The following VSIG10 variants were observed in gnomAD, a reference collection of about 807,000 sequenced individuals.
VSIG10 encodes V-set and immunoglobulin domain-containing protein 10.
In VSIG10, 48 loss-of-function variants were observed where a neutral mutation model predicts 58.7. The observed-to-expected ratio is 0.82, with a 90% CI of 0.65 to 1.04. The LOEUF (loss-of-function observed/expected upper bound fraction) is 1.04, where lower values mean the gene tolerates loss of function less well. Among genes scored for constraint, VSIG10 ranks in the 50% least tolerant of loss-of-function variants. The pLI is 0.00. For synonymous variants in VSIG10, 260 were observed against 267.1 expected (o/e 0.97, Z 0.26); for missense variants, 628 against 670.0 (o/e 0.94, Z 0.69).
chr12:118,071,967 C>T (rs994616658), intron 5 of VSIG10, among the ~76,000 whole-genome samples: 1 of 150,356 alleles, frequency 6.7e-6, no homozygotes, highest in Non-Finnish European at 1.5e-5. Flanking sequence ...GTCGGGAGAT[C>T]GAGACCAGCC....
At chr12:118,103,536 C>A in intron 1 of VSIG10, 57 bp downstream of exon 1, 1 of 1,464,772 alleles carries the variant, frequency 6.8e-7, no homozygotes, top group Non-Finnish European at 9.0e-7. Flanking sequence ...CTCGCTGTCC[C>A]CTCCCCACCG....
chr12:118,069,150 C>T (rs961122871), intron 7 of VSIG10, among the ~76,000 whole-genome samples: 41 of 151,926 alleles, frequency 2.7e-4, no homozygotes, highest in African/African-American at 9.4e-4. Flanking sequence ...AGTGCAGTGG[C>T]GCAATCTTGG....
intron 1 of VSIG10, chr12:118,101,651 A>T (rs1266683510): frequency 6.6e-6 from 1 of 152,210 alleles, no homozygotes; most frequent in African/African-American, 2.4e-5. Flanking sequence ...TTTTCCCAAG[A>T]ATAACCTAGG....
intron 4 of VSIG10, 30 bp downstream of exon 4, chr12:118,079,316 C>T (rs773047855): frequency 6.2e-7 from 1 of 1,603,880 alleles, no homozygotes. Flanking sequence ...AGGGAAACTC[C>T]AACCCCAAGA....
Position 118,088,193 on chromosome 12 carries a change from C to T in VSIG10, c.362-5764G>A, listed in dbSNP as rs1032490521. Among the ~76,000 whole-genome samples the T allele has an allele frequency of 2.7e-5, 4 of 149,470 alleles. No homozygotes were observed. In the Admixed American group the frequency reaches 2.7e-4, roughly 10 times the overall value. ...CCGGGAGGCGGAGGCTGCAGTGAGC[C>T]GAGCCATTGCACTCCAGCCTGGGTG... On this transcript the variant is annotated intron_variant, in intron 2 of 8. Coordinates refer to ENST00000359236, the MANE Select transcript of VSIG10 (RefSeq NM_019086.6).
intron 4 of VSIG10, among the ~76,000 whole-genome samples, chr12:118,077,252 T>C (rs1206266266): frequency 6.6e-6 from 1 of 152,138 alleles, no homozygotes; most frequent in Non-Finnish European, 1.5e-5. Flanking sequence ...TGCTGTTGCC[T>C]CTGCCAGGAA....
At position 118,068,426 on chromosome 12, in the gene VSIG10, C is replaced by G. The variant is rs1409356088; in HGVS notation, c.1518G>C (p.Leu506Phe). 1 of 1,613,758 alleles carries G rather than the reference C, an allele frequency of 6.2e-7. No individual in the cohort carries two copies. Among genetic ancestry groups the G allele is most frequent in the East Asian group, 2.2e-5 (1 of 44,866 alleles). The change falls in exon 8 of 9, where the codon TTG (leucine) becomes TTC (phenylalanine). Residue 506 changes from leucine (L) to phenylalanine (F), a missense_variant. By Grantham distance (22) the Leu-to-Phe change is conservative. Transcript: ENST00000359236. ...KQDHIHRVTALVNGNIEQMGN... is the reference protein window; with the variant it reads ...KQDHIHRVTAFVNGNIEQMGN... ...CCATCTGTTCTATGTTCCCATTCAC[C>G]AAGGCGGTCACTCTGTGAATGTGGT...
intron 2 of VSIG10, among the ~76,000 whole-genome samples, chr12:118,083,766 T>C (rs916820188): frequency 2.4e-4 from 37 of 152,072 alleles, no homozygotes; most frequent in African/African-American, 8.7e-4. Flanking sequence ...TCCACTCACC[T>C]TGGCCTCCCA....
chr12:118,081,413 C>T (rs759912631), intron 3 of VSIG10, among the ~76,000 whole-genome samples: 1 of 151,934 alleles, frequency 6.6e-6, no homozygotes, highest in Non-Finnish European at 1.5e-5. Context: ...GCAACCTCTG[C>T]GTCCCAAGTT....
intron 1 of VSIG10, among the ~76,000 whole-genome samples, chr12:118,096,596 C>T (rs61943494): frequency 0.82 from 118,106 of 144,452 alleles, 48,595 homozygotes; most frequent in Middle Eastern, 0.91. Context: ...AAAAAAAAAG[C>T]ACAAAAAATT....
intron 2 of VSIG10, among the ~76,000 whole-genome samples, chr12:118,094,862 A>G (rs1238308721): frequency 1.3e-5 from 2 of 150,284 alleles, no homozygotes; most frequent in South Asian, 4.2e-4. Context: ...TCAGCCTCCC[A>G]AGTAGGAGGG....
chr12:118,067,356 C>T (rs983992003), intron 8 of VSIG10, among the ~76,000 whole-genome samples: 1 of 151,968 alleles, frequency 6.6e-6, no homozygotes, highest in Non-Finnish European at 1.5e-5. Flanking sequence ...GGCAATTAAT[C>T]AAATATCTTC....
chr12:118,094,000 T>C (rs770371298), intron 2 of VSIG10, among the ~76,000 whole-genome samples: 5 of 152,154 alleles, frequency 3.3e-5, no homozygotes, highest in Non-Finnish European at 7.3e-5. Context: ...CATTAACAAA[T>C]GAGGAAAACT....
In VSIG10 at chr12:118,103,802, C is replaced by T; in HGVS notation, c.-131G>A. The T allele has an allele frequency of 3.5e-6, 3 of 866,728 alleles. No individual in the cohort carries two copies. Among genetic ancestry groups the T allele is most frequent in the Non-Finnish European group, 4.9e-6 (3 of 617,468 alleles). 53.7% of individuals were successfully genotyped at this position (866,728 alleles called of 1,614,324 possible). The stretch of plus-strand genomic sequence containing the variant: ...GAACGGCAGAGTGGCCCCACTTCCT[C>T]GGCCCCCAGGAAGGATGCTTGGCTG... On this transcript the variant is annotated 5_prime_UTR_variant, in exon 1 of 9. Transcript: ENST00000359236.
intron 1 of VSIG10, chr12:118,101,829 G>C (rs2033630118): frequency 6.6e-6 from 1 of 152,208 alleles, no homozygotes; most frequent in African/African-American, 2.4e-5. Context: ...AAGCAGGTCT[G>C]GGCATCAAAA....
chr12:118,089,215 C>T (rs1566172321), intron 2 of VSIG10, among the ~76,000 whole-genome samples: 1 of 152,128 alleles, frequency 6.6e-6, no homozygotes, highest in Non-Finnish European at 1.5e-5. Flanking sequence ...TCCCAAAGTG[C>T]TGGGATTACA....
At chr12:118,068,023 CTTTTTTTTTT>C (rs371999216) in intron 8 of VSIG10, among the ~76,000 whole-genome samples, 3 of 85,490 alleles carry the variant, frequency 3.5e-5, no homozygotes, top group African/African-American at 9.9e-5. Flanking sequence ...GGTTTGTGGG[CTTTTTTTTTT>C]TTTTTTTTTT....
chr12:118,068,691 C>A, intron 7 of VSIG10, 94 bp from the exon 8 acceptor site: 2 of 1,386,894 alleles, frequency 1.4e-6, no homozygotes, highest in Non-Finnish European at 9.5e-7. Context: ...CTTTGCAACC[C>A]CATTAGTAAT....
intron 7 of VSIG10, among the ~76,000 whole-genome samples, chr12:118,070,638 A>G (rs2032454506): frequency 3.3e-5 from 5 of 152,200 alleles, no homozygotes; most frequent in Admixed American, 3.3e-4. Flanking sequence ...AAAATTAAAT[A>G]AAACAAATGC....
Sources: allele counts gnomAD v4.1 joint callset (sites outside exome capture counted in the v4.1 genomes callset), GRCh38; gene constraint gnomAD v4.1.1; transcripts MANE v1.5; gene names NCBI Gene and HGNC (gene_info 2026-07-23, HGNC 2026-07-21).